The following AMPH variants were observed in gnomAD, a reference collection of about 807,000 sequenced individuals.
The protein encoded by AMPH is amphiphysin (Stiff-Mann syndrome with breast cancer 128kD autoantigen).
AMPH carries 49 observed loss-of-function variants against 99.1 expected under a neutral mutation model. That is an observed-to-expected ratio of 0.49 (90% CI 0.39 to 0.63). The LOEUF (loss-of-function observed/expected upper bound fraction) is 0.63, where lower values mean the gene tolerates loss of function less well. Among genes scored for constraint, AMPH ranks in the 20% least tolerant of loss-of-function variants. The pLI is 0.00. For synonymous variants in AMPH, 314 were observed against 317.3 expected (o/e 0.99, Z 0.11); for missense variants, 759 against 863.4 (o/e 0.88, Z 1.52).
At position 38,532,589 on chromosome 7, in the gene AMPH, T is replaced by C. The variant is rs530555923; in HGVS notation, c.150+2342A>G. Reference sequence around the variant, plus strand: ...TATTGTATATAGTGACCAAAATAGATAGCAGGACAGCAGTTTAAAGTCACC... The same window carrying C: ...TATTGTATATAGTGACCAAAATAGACAGCAGGACAGCAGTTTAAAGTCACC... On this transcript the variant is annotated intron_variant, in intron 2 of 20. Coordinates refer to ENST00000356264, the MANE Select transcript of AMPH (RefSeq NM_001635.4). Among the ~76,000 whole-genome samples, 18 of 152,268 alleles carry C rather than the reference T, an allele frequency of 1.2e-4. No homozygotes were observed. In the South Asian group the frequency reaches 2.7e-3, roughly 23 times the overall value.
At chr7:38,575,055 A>AG (rs887340312) in intron 1 of AMPH, among the ~76,000 whole-genome samples, 9 of 140,554 alleles carry the variant, frequency 6.4e-5, no homozygotes, top group East Asian at 3.9e-4. Flanking sequence ...TCTGTCTAAA[A>AG]AAAAAAAAAA....
At chr7:38,474,439 C>T (rs950859997) in intron 7 of AMPH, among the ~76,000 whole-genome samples, 4 of 151,986 alleles carry the variant, frequency 2.6e-5, no homozygotes, top group Non-Finnish European at 5.9e-5. Context: ...CACAGAGTGC[C>T]TTTTATTGGC....
At chr7:38,552,346 G>T (rs1200279110) in intron 1 of AMPH, among the ~76,000 whole-genome samples, 1 of 152,180 alleles carries the variant, frequency 6.6e-6, no homozygotes, top group Non-Finnish European at 1.5e-5. Context: ...GGTCTGCACA[G>T]ATCATTTGGA....
intron 19 of AMPH, 45 bp downstream of exon 19, chr7:38,391,703 C>G: frequency 6.3e-7 from 1 of 1,584,704 alleles, no homozygotes. Flanking sequence ...GCAAAAGGGC[C>G]TTAAAGCAAA....
chr7:38,462,622 T>C (rs1787492492), intron 10 of AMPH, among the ~76,000 whole-genome samples: 1 of 152,202 alleles, frequency 6.6e-6, no homozygotes, highest in Non-Finnish European at 1.5e-5. Context: ...CTGCCAACTC[T>C]AAACCACTAG....
At chr7:38,557,092 G>A (rs1791389728) in intron 1 of AMPH, among the ~76,000 whole-genome samples, 1 of 152,192 alleles carries the variant, frequency 6.6e-6, no homozygotes, top group Non-Finnish European at 1.5e-5. Flanking sequence ...GGACAGCTGT[G>A]TAGAGGACTG....
intron 11 of AMPH, among the ~76,000 whole-genome samples, chr7:38,456,035 C>A (rs567194811): frequency 6.6e-6 from 1 of 152,240 alleles, no homozygotes; most frequent in East Asian, 1.9e-4. Flanking sequence ...GGGGCCCCCA[C>A]CTTCCCCAGT....
chr7:38,441,807 T>TC (rs59482348), intron 11 of AMPH, among the ~76,000 whole-genome samples: 12 of 94,290 alleles, frequency 1.3e-4, no homozygotes, highest in East Asian at 6.8e-4. Context: ...ATCATATATA[T>TC]ATCATATATA....
chr7:38,551,220 A>G (rs1791169675), intron 1 of AMPH, among the ~76,000 whole-genome samples: 1 of 152,174 alleles, frequency 6.6e-6, no homozygotes, highest in African/African-American at 2.4e-5. Context: ...TTTACATAAA[A>G]TAAGAAATAG....
intron 5 of AMPH, among the ~76,000 whole-genome samples, chr7:38,489,984 A>T (rs1180455803): frequency 1.3e-5 from 2 of 152,194 alleles, no homozygotes; most frequent in East Asian, 3.8e-4. Context: ...TAAATTAAAT[A>T]AAATAATTTT....
intron 11 of AMPH, among the ~76,000 whole-genome samples, chr7:38,460,782 A>G (rs1342343546): frequency 6.6e-6 from 1 of 152,166 alleles, no homozygotes; most frequent in Non-Finnish European, 1.5e-5. Context: ...ATAAGCCCCA[A>G]TATTCAATAG....
intron 1 of AMPH, among the ~76,000 whole-genome samples, chr7:38,567,839 C>T (rs1791802185): frequency 6.6e-6 from 1 of 152,044 alleles, no homozygotes; most frequent in Non-Finnish European, 1.5e-5. Context: ...ATAATCAACC[C>T]ATGTGATTAT....
At chr7:38,549,356 C>T (rs955597228) in intron 1 of AMPH, among the ~76,000 whole-genome samples, 24 of 152,106 alleles carry the variant, frequency 1.6e-4, no homozygotes, top group African/African-American at 5.6e-4. Flanking sequence ...AGATCTGGCT[C>T]TTTTGAAGAA....
At chr7:38,624,433 C>T (rs531623291) in intron 1 of AMPH, among the ~76,000 whole-genome samples, 5 of 151,918 alleles carry the variant, frequency 3.3e-5, no homozygotes, top group Admixed American at 2.0e-4. Context: ...TTCGCTCTGT[C>T]GCCCAGGCTG....
At chr7:38,624,039 A>G (rs1584318193) in intron 1 of AMPH, among the ~76,000 whole-genome samples, 2 of 152,264 alleles carry the variant, frequency 1.3e-5, no homozygotes, top group Non-Finnish European at 2.9e-5. Context: ...TCACAAAATG[A>G]CAAAGCAAAT....
intron 3 of AMPH, among the ~76,000 whole-genome samples, chr7:38,495,561 C>CA (rs1290500431): frequency 6.6e-6 from 1 of 151,378 alleles, no homozygotes; most frequent in East Asian, 1.9e-4. Flanking sequence ...AGAGAAAACT[C>CA]AGTGTACAAA....
In AMPH at chr7:38,551,922, T is replaced by C. The variant is rs1342825308; in HGVS notation, c.70-16911A>G. 5.3e-5 allele frequency among the ~76,000 whole-genome samples: 8 copies of C among 152,200 alleles called. No homozygotes were observed. The East Asian group carries it at 1.3e-3, about 26-fold the overall frequency. ...CTTCCTTTTAAATTCCTAAATTCCTTTGTAATTTAGAATATGGAGTGGACA... is the reference window on the plus strand; with the variant it reads ...CTTCCTTTTAAATTCCTAAATTCCTCTGTAATTTAGAATATGGAGTGGACA... On this transcript the variant is annotated intron_variant, in intron 1 of 20. Coordinates refer to ENST00000356264, the MANE Select transcript of AMPH (RefSeq NM_001635.4).
At chr7:38,450,728 A>G (rs989466238) in intron 11 of AMPH, among the ~76,000 whole-genome samples, 2 of 152,144 alleles carry the variant, frequency 1.3e-5, no homozygotes, top group African/African-American at 4.8e-5. Flanking sequence ...GAGACTGGCC[A>G]TCAGAATGTT....
chr7:38,483,403 A>AAAAC (rs1187528958), intron 5 of AMPH, among the ~76,000 whole-genome samples: 1 of 152,168 alleles, frequency 6.6e-6, no homozygotes, highest in Non-Finnish European at 1.5e-5. Flanking sequence ...ACTGAGGGAT[A>AAAAC]AAACAAACAA....
Sources: gnomAD v4.1 joint callset for allele counts (sites outside exome capture counted in the v4.1 genomes callset) on GRCh38, gnomAD v4.1.1 for gene constraint, MANE v1.5 for transcripts, NCBI Gene and HGNC (gene_info 2026-07-23, HGNC 2026-07-21) for gene names.